Variants in NALCN observed in about 807,000 individuals in gnomAD.
NALCN encodes sodium leak channel NALCN.
Under a neutral mutation model 225.3 loss-of-function variants are expected in NALCN, and 111 were observed. The ratio of observed to expected loss-of-function variants is 0.49; its 90% CI spans 0.42 to 0.58. The LOEUF (loss-of-function observed/expected upper bound fraction) is 0.58, where lower values mean the gene tolerates loss of function less well. Ranked by LOEUF, NALCN falls within the 20% of genes least tolerant of loss-of-function variation. The probability of loss-of-function intolerance (pLI) is 0.00; values close to 1 mark genes in which losing one functional copy is unlikely to be tolerated. For synonymous variants in NALCN, 764 were observed against 769.0 expected (o/e 0.99, Z 0.11); for missense variants, 1,378 against 2,202.4 (o/e 0.63, Z 7.49).
chr13:101,331,906 C>T (rs953420947), intron 7 of NALCN, among the ~76,000 whole-genome samples: 5 of 152,176 alleles, frequency 3.3e-5, no homozygotes, highest in African/African-American at 4.8e-5. Context: ...CCTGTTTCCA[C>T]CTGTGTCTGG....
intron 6 of NALCN, among the ~76,000 whole-genome samples, chr13:101,353,801 G>C (rs2045972380): frequency 6.6e-6 from 1 of 151,162 alleles, no homozygotes. Flanking sequence ...GTAAAATTAA[G>C]TATTTTTTCA....
chr13:101,061,900 T>C, intron 41 of NALCN, 68 bp downstream of exon 41: 1 of 1,491,322 alleles, frequency 6.7e-7, no homozygotes, highest in Non-Finnish European at 9.0e-7. Context: ...AGCTCTTTTC[T>C]TTCATCCTCC....
At position 101,237,887 on chromosome 13, in the gene NALCN, A is replaced by C. The variant is rs1056241994; in HGVS notation, c.1302T>G (p.Leu434=). The C allele has an allele frequency of 1.9e-6, 3 of 1,606,962 alleles. No individual in the cohort carries two copies. The African/African-American group carries it at 4.0e-5, about 22-fold the overall frequency. ...TAAATCCCAAACACCATATCTTCAG[A>C]AGTGCTTCCAAATCAAAAAGTACTG... ...AFTVLFDLEA[L]LKIWCLGFTG... Residue 434 remains leucine (L), a synonymous_variant, in exon 12 of 44, where the codon CTT becomes CTG. Coordinates refer to ENST00000251127, the MANE Select transcript of NALCN (RefSeq NM_052867.4).
chr13:101,331,061 G>A (rs972751171), intron 7 of NALCN, among the ~76,000 whole-genome samples: 1 of 152,098 alleles, frequency 6.6e-6, no homozygotes, highest in Non-Finnish European at 1.5e-5. Flanking sequence ...AAAGTAACAC[G>A]AGTATCAGTA....
chr13:101,107,335 G>A, intron 22 of NALCN, 152 bp downstream of exon 22: 1 of 1,319,264 alleles, frequency 7.6e-7, no homozygotes, highest in Non-Finnish European at 1.0e-6. Flanking sequence ...CACCTGGTCG[G>A]GTGTTCAGCA....
Position 101,107,754 on chromosome 13 carries a change from T to C in NALCN, c.2400A>G (p.Arg800=). ...GAATCATCTTTATTTCACTGTCTTCTCTTTGTGCATTTCTATATCTCACTG... is the reference window on the plus strand; with the variant it reads ...GAATCATCTTTATTTCACTGTCTTCCCTTTGTGCATTTCTATATCTCACTG... The part of the protein sequence containing the change: ...SNTVRYRNAQ[R]EDSEIKMIQE... The change falls in exon 21 of 44, where the codon AGA becomes AGG. Residue 800 remains arginine, a synonymous_variant. Coordinates refer to ENST00000251127, the MANE Select transcript of NALCN (RefSeq NM_052867.4). The C allele has an allele frequency of 6.2e-7, 1 of 1,613,866 alleles. No individual in the cohort carries two copies. Among genetic ancestry groups the C allele is most frequent in the Non-Finnish European group, 8.5e-7 (1 of 1,179,900 alleles).
intron 31 of NALCN, among the ~76,000 whole-genome samples, chr13:101,083,447 T>G (rs944392162): frequency 6.6e-5 from 10 of 152,186 alleles, no homozygotes; most frequent in African/African-American, 2.4e-4. Flanking sequence ...TTCACTTATA[T>G]TTTTAAAAGG....
chr13:101,238,812 T>C (rs1270405107), intron 11 of NALCN, among the ~76,000 whole-genome samples: 3 of 151,956 alleles, frequency 2.0e-5, no homozygotes, highest in Admixed American at 1.3e-4. Flanking sequence ...TAGACTAATG[T>C]GGAGTATCAG....
chr13:101,171,848 G>A (rs1290960225), intron 15 of NALCN, among the ~76,000 whole-genome samples: 3 of 152,084 alleles, frequency 2.0e-5, no homozygotes, highest in African/African-American at 7.2e-5. Flanking sequence ...AAAATGCCTC[G>A]ATTAAGCAAT....
chr13:101,322,418 C>T (rs536776703), intron 7 of NALCN, among the ~76,000 whole-genome samples: 15 of 152,282 alleles, frequency 9.9e-5, no homozygotes, highest in Non-Finnish European at 1.9e-4. Flanking sequence ...TATAAAATTC[C>T]TTACTTTAAA....
Position 101,089,351 on chromosome 13 carries a change from CATCTA to C in NALCN, c.3489+307_3489+311del, listed in dbSNP as rs1242175106. 6.6e-6 allele frequency among the ~76,000 whole-genome samples: 1 copy of C among 152,220 alleles called. No individual in the cohort carries two copies. ...TTACCTGTAATTAGCGAATCACTTTCATCTATTGTATTTTAATAACTTGCTGCCCA... is the reference window on the plus strand; with the variant it reads ...TTACCTGTAATTAGCGAATCACTTTCTTGTATTTTAATAACTTGCTGCCCA... On this transcript the variant is annotated intron_variant, in intron 30 of 43. Transcript: ENST00000251127. The surrounding 1 kb of genome is among the most constrained non-coding windows in gnomAD (Gnocchi z 4.7).
At chr13:101,340,991 C>T (rs1407172112) in intron 7 of NALCN, among the ~76,000 whole-genome samples, 1 of 152,074 alleles carries the variant, frequency 6.6e-6, no homozygotes, top group Non-Finnish European at 1.5e-5. Flanking sequence ...CAAGTATGCA[C>T]ATATCTCTAT....
rs1165891154 is a variant in NALCN at position 101,207,855 on chromosome 13, C to T, written c.1627-15801G>A. On this transcript the variant is annotated intron_variant, in intron 13 of 43. Coordinates refer to ENST00000251127, the MANE Select transcript of NALCN (RefSeq NM_052867.4). ...CTTTGTTCTTTTGCTCTTTGCAATA[C>T]ATCTTGCTGCTGCTCACTCTTTGGG... 3.9e-5 allele frequency among the ~76,000 whole-genome samples: 6 copies of T among 152,326 alleles called. No individual in the cohort carries two copies. The South Asian group carries it at 1.2e-3, about 32-fold the overall frequency.
intron 14 of NALCN, among the ~76,000 whole-genome samples, chr13:101,183,803 T>A (rs2039340762): frequency 6.6e-6 from 1 of 151,628 alleles, no homozygotes; most frequent in Non-Finnish European, 1.5e-5. Context: ...ATGTCCCTAT[T>A]TTTTTTTAAT....
chr13:101,229,444 CA>C lies in NALCN; in HGVS notation c.1574del (p.Leu525CysfsTer35), dbSNP rs760558146. ...GTTCTTCGACAAAGCAGAACATCTG[CA>C]AACTAATTGCTGACATAACAATCAA... ...SLLIVMSAIS[L>X]QMFCFVEELD... On this transcript the variant is annotated frameshift_variant, in exon 13 of 44. Transcript: ENST00000251127. LOFTEE classifies it high-confidence loss of function. The C allele has an allele frequency of 6.2e-7, 1 of 1,608,858 alleles. No individual in the cohort carries two copies. The highest frequency in any genetic ancestry group is 1.1e-5 in the South Asian group (1 of 90,228).
intron 32 of NALCN, 30 bp from the exon 33 acceptor site, chr13:101,082,913 C>T: frequency 6.2e-7 from 1 of 1,612,972 alleles, no homozygotes; most frequent in Non-Finnish European, 8.5e-7. Flanking sequence ...CGAGTCGTTG[C>T]CCACGTCCAT....
chr13:101,279,710 G>A (rs1038431250), intron 10 of NALCN, among the ~76,000 whole-genome samples: 2 of 148,924 alleles, frequency 1.3e-5, no homozygotes, highest in Non-Finnish European at 3.0e-5. Context: ...CCAGCTACTT[G>A]GGAGGCTGAG....
intron 9 of NALCN, among the ~76,000 whole-genome samples, 188 bp from the exon 10 acceptor site, chr13:101,284,207 G>A (rs1347707567): frequency 3.3e-5 from 5 of 152,138 alleles, no homozygotes; most frequent in African/African-American, 1.2e-4. Flanking sequence ...AAAGAACAAT[G>A]ATAATAACTT....
intron 13 of NALCN, among the ~76,000 whole-genome samples, chr13:101,195,694 T>C (rs2039862498): frequency 6.6e-6 from 1 of 152,218 alleles, no homozygotes; most frequent in African/African-American, 2.4e-5. Context: ...CTATGATATG[T>C]GAAGATTTCA....
Sources: allele counts gnomAD v4.1 joint callset (sites outside exome capture counted in the v4.1 genomes callset), GRCh38; gene constraint gnomAD v4.1.1; non-coding constraint Gnocchi (gnomAD v3.1); transcripts MANE v1.5; gene names NCBI Gene and HGNC (gene_info 2026-07-23, HGNC 2026-07-21).